Variants in TEAD1 observed in about 807,000 individuals in gnomAD.
TEAD1 encodes transcriptional enhancer factor TEF-1.
Under a neutral mutation model 54.9 loss-of-function variants are expected in TEAD1, and 9 were observed. That is an observed-to-expected ratio of 0.16 (90% confidence interval 0.10 to 0.29). TEAD1 has a LOEUF of 0.29. TEAD1 is among the 10% of genes least tolerant of loss of function. TEAD1 has a pLI of 1.00. For missense variants in TEAD1, 387 were observed against 535.9 expected (o/e 0.72, Z 2.74); for synonymous variants, 200 against 187.8 (o/e 1.07, Z -0.53).
chr11:12,705,327 A>G (rs1462870148), intron 2 of TEAD1, among the ~76,000 whole-genome samples: 3 of 152,234 alleles, frequency 2.0e-5, no homozygotes, highest in African/African-American at 7.2e-5. Context: ...ATACACTTGT[A>G]GCATGCAAGT....
rs568846163 is a variant in TEAD1 at position 12,723,590 on chromosome 11, T to G, written c.-54-40589T>G. 2.0e-5 allele frequency among the ~76,000 whole-genome samples: 3 copies of G among 152,302 alleles called. No homozygotes were observed. In the East Asian group the frequency reaches 5.8e-4, roughly 29 times the overall value. On this transcript the variant is annotated intron_variant, in intron 2 of 12. Coordinates refer to ENST00000527636, the MANE Select transcript of TEAD1 (RefSeq NM_021961.6). ...CGGGGCTTTTCCTCTTCTCCTTAGATTCTCCTTTGTTCTTTCCCTCTACCA... is the reference window on the plus strand; with the variant it reads ...CGGGGCTTTTCCTCTTCTCCTTAGAGTCTCCTTTGTTCTTTCCCTCTACCA...
intron 2 of TEAD1, among the ~76,000 whole-genome samples, chr11:12,715,191 T>C (rs949333471): frequency 6.6e-6 from 1 of 152,116 alleles, no homozygotes; most frequent in African/African-American, 2.4e-5. Context: ...AGTATGATTT[T>C]AGCACCCTCC....
intron 3 of TEAD1, among the ~76,000 whole-genome samples, chr11:12,809,967 C>A (rs1202779105): frequency 3.1e-5 from 4 of 128,154 alleles, no homozygotes; most frequent in Admixed American, 9.8e-5. Context: ...AAAACTCTTT[C>A]CCCATTCTTT....
chr11:12,703,157 T>A (rs1345447254), intron 2 of TEAD1, among the ~76,000 whole-genome samples: 2 of 152,140 alleles, frequency 1.3e-5, no homozygotes, highest in Non-Finnish European at 2.9e-5. Flanking sequence ...CCTCCCACAG[T>A]GTGGTCTCAG....
chr11:12,830,135 C>G (rs1946742681), intron 3 of TEAD1, among the ~76,000 whole-genome samples: 1 of 152,058 alleles, frequency 6.6e-6, no homozygotes. Context: ...CTTAGCCTTG[C>G]TAAGAGGAGA....
rs1945305001 is a variant in TEAD1, at chr11:12,771,217, A to C, written c.202+6783A>C. On this transcript the variant is annotated intron_variant, in intron 3 of 12. Coordinates refer to ENST00000527636, the MANE Select transcript of TEAD1 (RefSeq NM_021961.6). Reference sequence around the variant, plus strand: ...CTGGGGGAGGGGTACAGGAGCCAGCATTGTGTCGTTGCGGGTCCGAGTGCC... The same window carrying C: ...CTGGGGGAGGGGTACAGGAGCCAGCCTTGTGTCGTTGCGGGTCCGAGTGCC... Among the ~76,000 whole-genome samples, 4 of 152,158 alleles carry C rather than the reference A, an allele frequency of 2.6e-5. No homozygotes were observed. In the South Asian group the frequency reaches 8.3e-4, roughly 32 times the overall value.
intron 3 of TEAD1, among the ~76,000 whole-genome samples, chr11:12,800,567 T>C (rs944528403): frequency 2.0e-5 from 3 of 152,214 alleles, no homozygotes; most frequent in African/African-American, 7.2e-5. Flanking sequence ...CAGGGAATTC[T>C]ACTAAGGTGC....
chr11:12,698,239 G>A (rs148209090), intron 2 of TEAD1, among the ~76,000 whole-genome samples: 78 of 152,228 alleles, frequency 5.1e-4, no homozygotes, highest in African/African-American at 1.7e-3. Flanking sequence ...GAGCCTTGCC[G>A]TGAAGCCATG....
At chr11:12,856,068 C>A (rs1007820084) in intron 3 of TEAD1, among the ~76,000 whole-genome samples, 4 of 151,644 alleles carry the variant, frequency 2.6e-5, no homozygotes, top group Non-Finnish European at 5.9e-5. Flanking sequence ...GTGCTGATGC[C>A]GGCATGGGGT....
chr11:12,784,036 A>T (rs1397344060), intron 3 of TEAD1, among the ~76,000 whole-genome samples: 10 of 152,132 alleles, frequency 6.6e-5, no homozygotes, highest in Admixed American at 6.5e-4. Context: ...ACACTACAAC[A>T]CTTCTGGTAG....
At chr11:12,816,360 C>G (rs1276417841) in intron 3 of TEAD1, among the ~76,000 whole-genome samples, 2 of 152,218 alleles carry the variant, frequency 1.3e-5, no homozygotes, top group African/African-American at 4.8e-5. Flanking sequence ...CTCTTGTTGT[C>G]AGGACACTTG....
chr11:12,837,969 A>AT (rs1008157239), intron 3 of TEAD1, among the ~76,000 whole-genome samples: 20 of 151,206 alleles, frequency 1.3e-4, no homozygotes, highest in African/African-American at 2.7e-4. Flanking sequence ...ATTTTTTTGT[A>AT]TTTTTTTAGT....
intron 3 of TEAD1, among the ~76,000 whole-genome samples, chr11:12,778,619 A>G (rs1176848378): frequency 2.0e-5 from 3 of 149,432 alleles, no homozygotes; most frequent in African/African-American, 7.4e-5. Context: ...TTCAAGGGCC[A>G]GTGCTGCTCA....
intron 3 of TEAD1, among the ~76,000 whole-genome samples, chr11:12,814,775 C>CTG (rs1491548230): frequency 2.7e-4 from 38 of 142,250 alleles, no homozygotes; most frequent in Admixed American, 1.1e-3. Context: ...CATCGCAGAG[C>CTG]TCTGTGTGTG....
At chr11:12,680,653 G>T (rs922848395) in intron 2 of TEAD1, among the ~76,000 whole-genome samples, 8 of 152,202 alleles carry the variant, frequency 5.3e-5, no homozygotes, top group African/African-American at 1.9e-4. Flanking sequence ...CATGCAGACT[G>T]CATGCATGCA....
chr11:12,915,810 C>T (rs2134149216), intron 10 of TEAD1, among the ~76,000 whole-genome samples: 2 of 152,334 alleles, frequency 1.3e-5, no homozygotes, highest in South Asian at 2.1e-4. Context: ...TGCCACTGCA[C>T]TCCAGCCTGG....
In TEAD1 at chr11:12,938,194, A is replaced by C. The variant is rs1281347102; in HGVS notation, c.*972A>C. ...TTGAACCACTGAATTTTAATAACAA[A>C]ATTTTAAAATTGGCATGAATACGGA... On this transcript the variant is annotated 3_prime_UTR_variant, in exon 13 of 13. Coordinates refer to ENST00000527636, the MANE Select transcript of TEAD1 (RefSeq NM_021961.6). 6.6e-6 allele frequency: 1 copy of C among 152,654 alleles called. No homozygotes were observed. Among genetic ancestry groups the C allele is most frequent in the African/African-American group, 2.4e-5 (1 of 41,464 alleles). The allele number at this position is 152,654 out of a possible 1,614,324, so 9.5% of individuals were successfully genotyped here.
At chr11:12,852,222 C>G (rs61878772) in intron 3 of TEAD1, among the ~76,000 whole-genome samples, 92,889 of 151,894 alleles carry the variant, frequency 0.61, 30,037 homozygotes, top group East Asian at 0.77. Flanking sequence ...GGAGTGGGCT[C>G]TTAGCTTTAG....
intron 3 of TEAD1, among the ~76,000 whole-genome samples, chr11:12,831,573 A>T (rs1946782572): frequency 6.6e-6 from 1 of 152,062 alleles, no homozygotes; most frequent in Non-Finnish European, 1.5e-5. Context: ...TTACCAAAGG[A>T]AAATATTCCA....
Sources: gnomAD v4.1 joint callset for allele counts (sites outside exome capture counted in the v4.1 genomes callset) on GRCh38, gnomAD v4.1.1 for gene constraint, MANE v1.5 for transcripts, NCBI Gene and HGNC (gene_info 2026-07-23, HGNC 2026-07-21) for gene names.